TJP2: variants seen among roughly 807,000 people sequenced by gnomAD.
TJP2 encodes tight junction protein 2.
TJP2 carries 91 observed loss-of-function variants against 133.1 expected under a neutral mutation model. That is an observed-to-expected ratio of 0.68 (90% CI 0.58 to 0.81). The LOEUF (loss-of-function observed/expected upper bound fraction) is 0.81. Ranked by LOEUF, TJP2 falls within the 40% of genes least tolerant of loss-of-function variation. The probability of loss-of-function intolerance (pLI) is 0.00; values close to 1 mark genes in which losing one functional copy is unlikely to be tolerated. For synonymous variants in TJP2, 592 were observed against 583.4 expected (o/e 1.01, Z -0.21); for missense variants, 1,541 against 1,565.6 (o/e 0.98, Z 0.26).
intron 1 of TJP2, chr9:69,145,779 C>T (rs2133311068): frequency 4.1e-6 from 5 of 1,232,008 alleles, no homozygotes; most frequent in Non-Finnish European, 5.1e-6. Flanking sequence ...AGAACTTCTA[C>T]CTGAGAGCAG....
chr9:69,234,414 T>TA, intron 11 of TJP2, 25 bp from the exon 12 acceptor site: 7 of 1,387,580 alleles, frequency 5.0e-6, no homozygotes, highest in African/African-American at 1.5e-5. Flanking sequence ...TTTTTTTTTC[T>TA]TTTTCTGTTT....
chr9:69,181,996 G>A (rs1825548609), intron 1 of TJP2, among the ~76,000 whole-genome samples: 1 of 152,096 alleles, frequency 6.6e-6, no homozygotes, highest in African/African-American at 2.4e-5. Flanking sequence ...CCACCCCCAT[G>A]GACTTCTCCC....
chr9:69,132,477 G>T (rs1283763126), intron 1 of TJP2, among the ~76,000 whole-genome samples: 1 of 152,178 alleles, frequency 6.6e-6, no homozygotes, highest in Non-Finnish European at 1.5e-5. Flanking sequence ...GCCTGGTGCT[G>T]CAGGAGAAGG....
intron 1 of TJP2, among the ~76,000 whole-genome samples, chr9:69,189,379 G>T (rs372302665): frequency 2.6e-5 from 4 of 152,268 alleles, no homozygotes; most frequent in African/African-American, 9.6e-5. Flanking sequence ...CCAGGACCCA[G>T]AATTGATAGG....
At chr9:69,168,288 A>G (rs1824467901) in intron 2 of TJP2, among the ~76,000 whole-genome samples, 1 of 151,888 alleles carries the variant, frequency 6.6e-6, no homozygotes, top group Non-Finnish European at 1.5e-5. Context: ...TTTGTTCTCT[A>G]TTTCTAGAAC....
At chr9:69,241,647 G>T (rs375024890) in intron 17 of TJP2, among the ~76,000 whole-genome samples, 48 of 152,266 alleles carry the variant, frequency 3.2e-4, no homozygotes, top group African/African-American at 1.0e-3. Flanking sequence ...GTATATTTAT[G>T]AATATCCTTT....
chr9:69,237,784 A>G, intron 14 of TJP2, 94 bp from the exon 15 acceptor site: 2 of 893,426 alleles, frequency 2.2e-6, no homozygotes, highest in Non-Finnish European at 3.7e-6. Flanking sequence ...TCTTTCGTTT[A>G]GTTATGTTAT....
chr9:69,224,190 G>A (rs965880483), intron 5 of TJP2, among the ~76,000 whole-genome samples: 1 of 152,182 alleles, frequency 6.6e-6, no homozygotes, highest in Non-Finnish European at 1.5e-5. Context: ...TTAGTTGAAT[G>A]CTTTATTAAT....
chr9:69,137,257 CTTTCTTTCTTTCTT>C lies in TJP2; in HGVS notation c.-130-14378_-130-14365del, dbSNP rs1279200839. 4.6e-3 allele frequency among the ~76,000 whole-genome samples: 266 copies of C among 57,692 alleles called. 7 individuals carry two copies. Among genetic ancestry groups the C allele is most frequent in the African/African-American group, 9.3e-3 (89 of 9,568 alleles). The allele number at this position is 57,692 out of a possible 152,430, so 37.8% of individuals were successfully genotyped here. ...TCTTTCTTTCTCTCTCTCTTTCTTT[CTTTCTTTCTTTCTT>C]TTTCTTTCTTTCTTTCTTTCTTTCT... is the stretch of plus-strand genomic sequence containing the variant. On this transcript the variant is annotated intron_variant, in intron 1 of 5. Transcript: ENST00000423935.
At chr9:69,164,887 T>C (rs1251873715) in intron 2 of TJP2, among the ~76,000 whole-genome samples, 1 of 152,176 alleles carries the variant, frequency 6.6e-6, no homozygotes, top group Non-Finnish European at 1.5e-5. Context: ...TGGAGTGTAG[T>C]GGTGCGATCT....
intron 17 of TJP2, among the ~76,000 whole-genome samples, chr9:69,245,208 A>G (rs1037456245): frequency 6.6e-6 from 1 of 152,240 alleles, no homozygotes; most frequent in Non-Finnish European, 1.5e-5. Context: ...ATTAATAACC[A>G]AGGAAATTGT....
intron 3 of TJP2, among the ~76,000 whole-genome samples, 169 bp from the exon 4 acceptor site, chr9:69,218,088 T>G (rs989459632): frequency 8.5e-5 from 13 of 152,194 alleles, no homozygotes; most frequent in Non-Finnish European, 1.9e-4. Context: ...CCCAGTTCCT[T>G]TCTTTGGAAG....
chr9:69,234,392 T>C (rs370934332), intron 11 of TJP2, 47 bp from the exon 12 acceptor site: 1 of 1,341,138 alleles, frequency 7.5e-7, no homozygotes, highest in African/African-American at 1.5e-5. Flanking sequence ...CTTTCTTTCT[T>C]TCTTTCTTTT....
intron 1 of TJP2, among the ~76,000 whole-genome samples, chr9:69,175,506 A>G (rs577443010): frequency 7.9e-5 from 12 of 152,312 alleles, no homozygotes; most frequent in Admixed American, 3.9e-4. Context: ...TGAAGTGAGA[A>G]ATTCGTAGTG....
intron 1 of TJP2, among the ~76,000 whole-genome samples, chr9:69,133,011 G>C (rs1156928360): frequency 6.6e-6 from 1 of 152,090 alleles, no homozygotes; most frequent in Non-Finnish European, 1.5e-5. Context: ...GCTCAGGCTG[G>C]AGTGCAGTGG....
intron 1 of TJP2, among the ~76,000 whole-genome samples, chr9:69,129,708 G>A (rs999266725): frequency 2.0e-4 from 31 of 152,022 alleles, no homozygotes; most frequent in East Asian, 1.9e-4. Flanking sequence ...AGGCCGAGGC[G>A]TGCGGATCAC....
chr9:69,147,850 G>A (rs10781440), intron 1 of TJP2, among the ~76,000 whole-genome samples: 65,119 of 151,738 alleles, frequency 0.43, 14,159 homozygotes, highest in East Asian at 0.63. Flanking sequence ...ATCAGAGGAC[G>A]AACAAGATCT....
intron 11 of TJP2, among the ~76,000 whole-genome samples, chr9:69,230,529 G>T (rs1330526161): frequency 6.6e-6 from 1 of 152,172 alleles, no homozygotes; most frequent in East Asian, 1.9e-4. Context: ...TTACAGGAAA[G>T]ATTTTTCAAA....
chr9:69,121,917 G>C lies in TJP2; in HGVS notation c.-131+192G>C, dbSNP rs943934743. 1.6e-4 allele frequency: 25 copies of C among 152,726 alleles called. 1 individual carries two copies. Among genetic ancestry groups the C allele is most frequent in the Admixed American group, 3.9e-4 (6 of 15,288 alleles). The allele number at this position is 152,726 out of a possible 1,614,324, so 9.5% of individuals were successfully genotyped here. A position where few individuals can be genotyped will look rare whatever the true frequency, so the allele number is the denominator to read the frequency against. On this transcript the variant is annotated intron_variant, in intron 1 of 5. Coordinates refer to the TJP2 transcript ENST00000423935. ...GCCCTGGGTCGTTTGTGCAGGCGGG[G>C]TGAGGGGCAGCGCGAGTAAACGGGT...
Sources: allele counts gnomAD v4.1 joint callset (sites outside exome capture counted in the v4.1 genomes callset), GRCh38; gene constraint gnomAD v4.1.1; transcripts MANE v1.5; gene names NCBI Gene and HGNC (gene_info 2026-07-23, HGNC 2026-07-21).